Variants in GMDS observed in about 807,000 individuals in gnomAD.
The protein encoded by GMDS is GDP-mannose 4,6-dehydratase.
Under a neutral mutation model 49.9 loss-of-function variants are expected in GMDS, and 20 were observed. The ratio of observed to expected loss-of-function variants is 0.40; its 90% CI spans 0.28 to 0.58. The LOEUF (loss-of-function observed/expected upper bound fraction) is 0.58, where lower values mean the gene tolerates loss of function less well. Ranked by LOEUF, GMDS falls within the 20% of genes least tolerant of loss-of-function variation. GMDS has a pLI of 0.42. For synonymous variants in GMDS, 177 were observed against 178.6 expected, an observed-to-expected ratio of 0.99 and a Z score of 0.07; for missense variants, 362 against 481.4, an observed-to-expected ratio of 0.75 and a Z score of 2.32.
At chr6:1,688,507 A>G (rs1415143231) in intron 9 of GMDS, among the ~76,000 whole-genome samples, 1 of 152,210 alleles carries the variant, frequency 6.6e-6, no homozygotes, top group East Asian at 1.9e-4. Context: ...GTGTTTCTAC[A>G]TTACATCCTC....
intron 4 of GMDS, among the ~76,000 whole-genome samples, chr6:2,109,687 T>C (rs1323027910): frequency 1.3e-5 from 2 of 152,180 alleles, no homozygotes; most frequent in African/African-American, 2.4e-5. Flanking sequence ...GCCTGGACCA[T>C]AGTTTCTTGT....
chr6:1,652,941 T>C lies in GMDS; in HGVS notation c.988-28401A>G, dbSNP rs376258979. The stretch of plus-strand genomic sequence containing the variant: ...CCTGGGTCACGTGTGTCTGTGTATG[T>C]CCCTCTCGATCCCTCAGGCCTGCAT... On this transcript the variant is annotated intron_variant, in intron 9 of 10. Transcript: ENST00000380815. Among the ~76,000 whole-genome samples the C allele has an allele frequency of 1.0e-3, 153 of 148,886 alleles. 1 individual carries two copies. The highest frequency in any genetic ancestry group is 3.5e-3 in the African/African-American group (140 of 40,144).
chr6:1,929,797 TAAAG>T (rs1430128773), intron 7 of GMDS, among the ~76,000 whole-genome samples: 1 of 152,178 alleles, frequency 6.6e-6, no homozygotes, highest in Admixed American at 6.5e-5. Context: ...ACCCCCAAAA[TAAAG>T]AGGAGCACCA....
At chr6:1,735,755 C>T (rs558660850) in intron 8 of GMDS, among the ~76,000 whole-genome samples, 1 of 152,362 alleles carries the variant, frequency 6.6e-6, no homozygotes, top group Admixed American at 6.5e-5. Flanking sequence ...GCAAACATAA[C>T]TCCAATCATG....
chr6:1,767,029 T>C (rs539853839), intron 7 of GMDS, among the ~76,000 whole-genome samples: 30 of 152,348 alleles, frequency 2.0e-4, no homozygotes, highest in Admixed American at 2.0e-3. Flanking sequence ...TTCTGTTCAG[T>C]AGAAAATGAA....
At chr6:1,975,385 G>T (rs1485509391) in intron 4 of GMDS, among the ~76,000 whole-genome samples, 4 of 152,156 alleles carry the variant, frequency 2.6e-5, no homozygotes, top group Non-Finnish European at 4.4e-5. Context: ...TCTGGGACTG[G>T]GAGAATGTTC....
chr6:1,687,394 C>T (rs777709711), intron 9 of GMDS, among the ~76,000 whole-genome samples: 4 of 152,206 alleles, frequency 2.6e-5, no homozygotes, highest in Non-Finnish European at 5.9e-5. Context: ...AGGTCAAGGT[C>T]TTGCCTAAGA....
intron 7 of GMDS, among the ~76,000 whole-genome samples, chr6:1,884,019 T>G (rs1759486220): frequency 6.6e-6 from 1 of 152,190 alleles, no homozygotes. Flanking sequence ...AATTTTTAAC[T>G]AGTAAAGATT....
intron 8 of GMDS, among the ~76,000 whole-genome samples, chr6:1,740,984 A>G (rs1297563878): frequency 6.6e-6 from 1 of 152,238 alleles, no homozygotes; most frequent in Non-Finnish European, 1.5e-5. Flanking sequence ...ATATTGAGAC[A>G]AAATGTTCAC....
In GMDS at chr6:1,624,597, G is replaced by A. The variant is rs375355354; in HGVS notation, c.988-57C>T. ...GTGGGTCGTGGGGGTGGGGGCAGCA[G>A]GTCCCGAGCCCCGGGAACTCCCACC... is the stretch of plus-strand genomic sequence containing the variant. On this transcript the variant is annotated intron_variant, in intron 9 of 10. Coordinates refer to ENST00000380815, the MANE Select transcript of GMDS (RefSeq NM_001500.4). 236 of 1,242,562 alleles carry A rather than the reference G, an allele frequency of 1.9e-4. No individual in the cohort carries two copies. In the African/African-American group the frequency reaches 2.9e-3, roughly 16 times the overall value. 77.0% of individuals were successfully genotyped at this position (1,242,562 alleles called of 1,614,324 possible). A position where few individuals can be genotyped will look rare whatever the true frequency, so the allele number is the denominator to read the frequency against.
intron 7 of GMDS, among the ~76,000 whole-genome samples, chr6:1,852,853 T>C (rs1437997598): frequency 6.6e-6 from 1 of 151,838 alleles, no homozygotes; most frequent in Non-Finnish European, 1.5e-5. Flanking sequence ...ATTTCAGGCA[T>C]GCGCCACCAC....
intron 7 of GMDS, among the ~76,000 whole-genome samples, chr6:1,837,282 G>A (rs1456977586): frequency 6.6e-6 from 1 of 152,138 alleles, no homozygotes; most frequent in Non-Finnish European, 1.5e-5. Context: ...AAAGGGCAGG[G>A]GTGGGTGGAG....
intron 1 of GMDS, among the ~76,000 whole-genome samples, chr6:2,166,123 G>A (rs1006154706): frequency 7.2e-5 from 11 of 152,238 alleles, no homozygotes; most frequent in Middle Eastern, 3.4e-3. Flanking sequence ...AACAGAGAAC[G>A]TGAGCATTCA....
intron 1 of GMDS, among the ~76,000 whole-genome samples, chr6:2,235,744 T>C (rs917875459): frequency 6.6e-6 from 1 of 150,912 alleles, no homozygotes; most frequent in Non-Finnish European, 1.5e-5. Context: ...CCCAGGAGGT[T>C]GAGGCTCCAG....
At position 2,106,868 on chromosome 6, in the gene GMDS, A is replaced by AC. The variant is rs1457245974; in HGVS notation, c.345+8902_345+8903insG. On this transcript the variant is annotated intron_variant, in intron 4 of 10. Transcript: ENST00000380815. ...ACAGAGCGAGACTCTGTCTCAAAAA[A>AC]AGAAAAAAAAAAGGAAAAGTTTTAC... 2.5e-3 allele frequency among the ~76,000 whole-genome samples: 379 copies of AC among 151,600 alleles called. 3 individuals carry two copies. Among genetic ancestry groups the AC allele is most frequent in the African/African-American group, 9.0e-3 (368 of 41,026 alleles).
At chr6:1,760,214 A>C (rs1354616293) in intron 7 of GMDS, among the ~76,000 whole-genome samples, 15 of 152,216 alleles carry the variant, frequency 9.9e-5, no homozygotes, top group Admixed American at 9.8e-4. Context: ...CTTACAAAAA[A>C]TCCCGTTTTC....
intron 7 of GMDS, among the ~76,000 whole-genome samples, chr6:1,880,027 A>G (rs923967657): frequency 2.6e-5 from 4 of 152,154 alleles, no homozygotes; most frequent in Non-Finnish European, 5.9e-5. Context: ...TTGATTTGGG[A>G]GAAGAATGAA....
In GMDS at chr6:1,939,554, T is replaced by C. The variant is rs915434595; in HGVS notation, c.644-9324A>G. On this transcript the variant is annotated intron_variant, in intron 6 of 10. Coordinates refer to ENST00000380815, the MANE Select transcript of GMDS (RefSeq NM_001500.4). ...ATATATACACATATATACATATATA[T>C]ACATATATATACCTATATACATATA... 4.7e-5 allele frequency among the ~76,000 whole-genome samples: 7 copies of C among 147,382 alleles called. No homozygotes were observed. In the Admixed American group the frequency reaches 4.9e-4, roughly 10 times the overall value.
chr6:2,211,609 G>A (rs1273426600), intron 1 of GMDS, among the ~76,000 whole-genome samples: 1 of 152,000 alleles, frequency 6.6e-6, no homozygotes, highest in Non-Finnish European at 1.5e-5. Context: ...TGCTCAAATA[G>A]TCTCACTCCT....
Sources: gnomAD v4.1 joint callset for allele counts (sites outside exome capture counted in the v4.1 genomes callset) on GRCh38, gnomAD v4.1.1 for gene constraint, MANE v1.5 for transcripts, NCBI Gene and HGNC (gene_info 2026-07-23, HGNC 2026-07-21) for gene names.